CELF1: variants seen among roughly 807,000 people sequenced by gnomAD.
The protein encoded by CELF1 is CUGBP Elav-like family member 1.
A neutral mutation model predicts 61.8 loss-of-function variants in CELF1; 10 were observed. The observed-to-expected ratio is 0.16, with a 90% CI of 0.10 to 0.27. The LOEUF (loss-of-function observed/expected upper bound fraction) is 0.27. Ranked by LOEUF, CELF1 falls within the 10% of genes least tolerant of loss-of-function variation. The probability of loss-of-function intolerance (pLI) is 1.00; values close to 1 mark genes in which losing one functional copy is unlikely to be tolerated. For missense variants in CELF1, 380 were observed against 639.1 expected (o/e 0.59, Z 4.37); for synonymous variants, 236 against 225.1 (o/e 1.05, Z -0.43).
chr11:47,477,241 A>C (rs1024043027), intron 11 of CELF1, 56 bp downstream of exon 11: 1 of 1,595,050 alleles, frequency 6.3e-7, no homozygotes, highest in Non-Finnish European at 8.6e-7. Context: ...CTGCCTTTAA[A>C]CACAAAGCAT....
At chr11:47,483,305 TA>T in intron 8 of CELF1, 147 bp downstream of exon 8, 1 of 677,450 alleles carries the variant, frequency 1.5e-6, no homozygotes, top group Non-Finnish European at 2.6e-6. Flanking sequence ...ACGTTAATTT[TA>T]AAGAAATCAG....
chr11:47,478,668 G>A lies in CELF1; in HGVS notation c.844+209C>T, dbSNP rs528148209. On this transcript the variant is annotated intron_variant, in intron 10 of 14. Coordinates refer to ENST00000687097, the MANE Select transcript of CELF1 (RefSeq NM_001376376.1). ...TGACCTAAAAGGTTAGGAGGCACCA[G>A]ATAACGTCAGAGCAATGTGGCATCA... Among the ~76,000 whole-genome samples, 200 of 152,330 alleles carry A rather than the reference G, an allele frequency of 1.3e-3. 1 individual carries two copies. The highest frequency in any genetic ancestry group is 1.4e-3 in the Non-Finnish European group (97 of 68,032).
chr11:47,542,960 T>C (rs1258655267), intron 1 of CELF1, among the ~76,000 whole-genome samples: 1 of 151,522 alleles, frequency 6.6e-6, no homozygotes, highest in Non-Finnish European at 1.5e-5. Flanking sequence ...TCTCTACAAA[T>C]ACTACAAAAA....
chr11:47,517,447 A>C (rs1019894686), intron 1 of CELF1, among the ~76,000 whole-genome samples: 2 of 152,174 alleles, frequency 1.3e-5, no homozygotes, highest in African/African-American at 4.8e-5. Flanking sequence ...ATACAGTATA[A>C]CCATACAACA....
intron 1 of CELF1, among the ~76,000 whole-genome samples, chr11:47,551,177 C>G (rs1005800657): frequency 1.1e-4 from 16 of 152,060 alleles, no homozygotes; most frequent in African/African-American, 3.9e-4. Flanking sequence ...GATCTTAAGT[C>G]TAGATAGCAC....
chr11:47,558,587 A>T (rs11039294), intron 2 of CELF1, among the ~76,000 whole-genome samples: 102,204 of 110,952 alleles, frequency 0.92, 46,906 homozygotes, highest in East Asian at 1. Flanking sequence ...ATATATATAT[A>T]TTTATATTAT....
chr11:47,474,748 C>T (rs529516885), intron 13 of CELF1, among the ~76,000 whole-genome samples: 2 of 152,354 alleles, frequency 1.3e-5, no homozygotes, highest in South Asian at 4.1e-4. Context: ...GAGGTGTCAG[C>T]AGGACCTTCT....
intron 1 of CELF1, among the ~76,000 whole-genome samples, chr11:47,533,065 A>G (rs1470043939): frequency 6.6e-6 from 1 of 151,880 alleles, no homozygotes; most frequent in Non-Finnish European, 1.5e-5. Context: ...GGGTGGATCC[A>G]GAAGGCTTTT....
At chr11:47,540,941 A>G (rs766333671) in intron 1 of CELF1, among the ~76,000 whole-genome samples, 1 of 152,154 alleles carries the variant, frequency 6.6e-6, no homozygotes, top group Non-Finnish European at 1.5e-5. Context: ...AGTAAATGGC[A>G]CAGGTGTTTC....
rs1352506683 is a variant in CELF1, at chr11:47,471,671, T to A, written c.*559A>T. 6.6e-6 allele frequency: 1 copy of A among 152,224 alleles called. No individual in the cohort carries two copies. The highest frequency in any genetic ancestry group is 1.5e-5 in the Non-Finnish European group (1 of 68,092). The allele number at this position is 152,224 out of a possible 1,614,324, so 9.4% of individuals were successfully genotyped here. On this transcript the variant is annotated 3_prime_UTR_variant, in exon 15 of 15. Transcript: ENST00000687097. The stretch of plus-strand genomic sequence containing the variant: ...AGGTAGCTGTACAGGAGTTTGAGTC[T>A]CCAGCTGCCAGGGCATTAGGTGTCT...
intron 1 of CELF1, among the ~76,000 whole-genome samples, chr11:47,511,430 ATAAATGGTTT>A (rs2095159935): frequency 1.3e-5 from 2 of 152,094 alleles, no homozygotes; most frequent in Non-Finnish European, 2.9e-5. Flanking sequence ...TGGCTTTGAC[ATAAATGGTTT>A]TTTGAACAAT....
chr11:47,553,892 G>A (rs1297855664), upstream of CELF1, among the ~76,000 whole-genome samples: 3 of 151,730 alleles, frequency 2.0e-5, no homozygotes, highest in Non-Finnish European at 2.9e-5. Flanking sequence ...GGGTCTAGAT[G>A]GAACGCAAGC....
At chr11:47,489,886 T>C (rs1243644634) in intron 3 of CELF1, among the ~76,000 whole-genome samples, 1 of 150,304 alleles carries the variant, frequency 6.7e-6, no homozygotes, top group Non-Finnish European at 1.5e-5. Context: ...GTAAACAACC[T>C]AGGTGAATTC....
chr11:47,502,229 AT>A (rs1272801749), intron 1 of CELF1, among the ~76,000 whole-genome samples: 1 of 152,210 alleles, frequency 6.6e-6, no homozygotes, highest in Non-Finnish European at 1.5e-5. Flanking sequence ...CCATTTTATG[AT>A]TTATAAAGCA....
intron 11 of CELF1, 27 bp from the exon 12 acceptor site, chr11:47,476,986 C>T: frequency 6.4e-7 from 1 of 1,558,392 alleles, no homozygotes. Context: ...AGTTAAAATT[C>T]AACCCATCAC....
intron 1 of CELF1, among the ~76,000 whole-genome samples, chr11:47,528,298 C>T (rs573397656): frequency 6.6e-6 from 1 of 152,168 alleles, no homozygotes; most frequent in Admixed American, 6.6e-5. Context: ...ATGTATGGCC[C>T]ATTGACATTT....
At position 47,542,098 on chromosome 11, in the gene CELF1, G is replaced by A. The variant is rs116153913; in HGVS notation, c.-154+10894C>T. Among the ~76,000 whole-genome samples, 647 of 152,266 alleles carry A rather than the reference G, an allele frequency of 4.2e-3. 1 individual carries two copies. Among genetic ancestry groups the A allele is most frequent in the African/African-American group, 0.015 (627 of 41,548 alleles). ...TCTAAAGCCGTACTGGGCTGGGCGC[G>A]GTGGCGTGCGTCTGTAATTTCAGCA... On this transcript the variant is annotated intron_variant, in intron 1 of 14. Coordinates refer to ENST00000687097, the MANE Select transcript of CELF1 (RefSeq NM_001376376.1).
chr11:47,534,318 C>T lies in CELF1; in HGVS notation c.-154+18674G>A, dbSNP rs377197467. On this transcript the variant is annotated intron_variant, in intron 1 of 14. Transcript: ENST00000687097. ...GTGCTGGGATTACAGGCATGAGCCA[C>T]GGCGCCTGGCCATATTTAGTATTTT... Among the ~76,000 whole-genome samples, 14 of 151,666 alleles carry T rather than the reference C, an allele frequency of 9.2e-5. No individual in the cohort carries two copies. The South Asian group carries it at 1.7e-3, about 18-fold the overall frequency.
intron 1 of CELF1, among the ~76,000 whole-genome samples, chr11:47,551,398 A>G (rs979532975): frequency 1.4e-4 from 21 of 152,224 alleles, no homozygotes; most frequent in Admixed American, 2.6e-4. Flanking sequence ...TGCTGCTTCA[A>G]TCTTGGCTAA....
Sources: gnomAD v4.1 joint callset for allele counts (sites outside exome capture counted in the v4.1 genomes callset) on GRCh38, gnomAD v4.1.1 for gene constraint, MANE v1.5 for transcripts, NCBI Gene and HGNC (gene_info 2026-07-23, HGNC 2026-07-21) for gene names.